The following CTNNA2 variants were observed in gnomAD, a reference collection of about 807,000 sequenced individuals.
CTNNA2 encodes catenin alpha 2.
CTNNA2 carries 42 observed loss-of-function variants against 101.0 expected under a neutral mutation model. That is an observed-to-expected ratio of 0.42 (90% confidence interval 0.32 to 0.54). The LOEUF (loss-of-function observed/expected upper bound fraction) is 0.54, where lower values mean the gene tolerates loss of function less well. Among genes scored for constraint, CTNNA2 ranks in the 20% least tolerant of loss-of-function variants. The pLI is 0.14. For missense variants in CTNNA2, 871 were observed against 1,223.1 expected (o/e 0.71, Z 4.29); for synonymous variants, 450 against 456.4 (o/e 0.99, Z 0.18).
Position 79,374,541 on chromosome 2 carries a change from G to T in CTNNA2, c.-135+528G>T, listed in dbSNP as rs113953803. Among the ~76,000 whole-genome samples the T allele has an allele frequency of 8.0e-3, 1,218 of 151,564 alleles. 25 individuals are homozygous for T. The highest frequency in any genetic ancestry group is 0.026 in the African/African-American group (1,085 of 41,260). ...ATATATTTTTCTATTGTGCTTCTTC[G>T]GTTTTACATTTAGTCAACATTCTCT... On this transcript the variant is annotated intron_variant, in intron 4 of 21. Transcript: ENST00000466387.
chr2:79,284,881 A>T (rs984624114), intron 2 of CTNNA2, among the ~76,000 whole-genome samples: 5 of 136,372 alleles, frequency 3.7e-5, no homozygotes, highest in Non-Finnish European at 6.3e-5. Flanking sequence ...CTGTGAATCC[A>T]TCTGGTCCTG....
rs570642419 is a variant in CTNNA2, at chr2:80,098,320, G to A, written c.1056+188523G>A. 5.3e-5 allele frequency among the ~76,000 whole-genome samples: 8 copies of A among 152,266 alleles called. No homozygotes were observed. In the East Asian group the frequency reaches 9.7e-4, roughly 18 times the overall value. ...TCAGCAGCGGTGGCTGCAGAACAGC[G>A]GATATTGGTGAACCGCAAATGCTGC... On this transcript the variant is annotated intron_variant, in intron 7 of 18. Transcript: ENST00000402739.
chr2:79,340,744 G>T (rs1334760093), intron 3 of CTNNA2, among the ~76,000 whole-genome samples: 1 of 144,152 alleles, frequency 6.9e-6, no homozygotes, highest in Non-Finnish European at 1.5e-5. Flanking sequence ...TGAGGCAGGA[G>T]AATGGCCTGA....
Position 79,989,645 on chromosome 2 carries a change from A to AAAC in CTNNA2, c.1056+79865_1056+79867dup, listed in dbSNP as rs558485089. 1.8e-3 allele frequency among the ~76,000 whole-genome samples: 280 copies of AAAC among 152,184 alleles called. 2 individuals carry two copies. In the East Asian group the frequency reaches 0.04, roughly 22 times the overall value. On this transcript the variant is annotated intron_variant, in intron 7 of 18. Coordinates refer to ENST00000402739, the MANE Select transcript of CTNNA2 (RefSeq NM_001282597.3). The stretch of plus-strand genomic sequence containing the variant: ...AACAGAGTGAGACCCTGCCTCAAAT[A>AAAC]AACAACAACAACAACAACAGAATTG...
intron 3 of CTNNA2, among the ~76,000 whole-genome samples, chr2:79,826,726 A>G (rs1331661068): frequency 6.6e-6 from 1 of 152,196 alleles, no homozygotes; most frequent in Non-Finnish European, 1.5e-5. Context: ...CTTCATTTCA[A>G]CAAGGGCTCT....
rs552025989 is a variant in CTNNA2, at chr2:80,626,890, G to T, written c.2574+7662G>T. ...GCCCCCTACCCCCTGACAGGCCCCA[G>T]TGTGTGATGTTCCCTTCCCTGTGTC... On this transcript the variant is annotated intron_variant, in intron 18 of 18. Coordinates refer to ENST00000402739, the MANE Select transcript of CTNNA2 (RefSeq NM_001282597.3). Among the ~76,000 whole-genome samples the T allele has an allele frequency of 2.2e-4, 33 of 151,756 alleles. 1 individual carries two copies. In the South Asian group the frequency reaches 3.1e-3, roughly 14 times the overall value.
At chr2:79,815,647 G>A (rs1465565788) in intron 3 of CTNNA2, among the ~76,000 whole-genome samples, 1 of 152,152 alleles carries the variant, frequency 6.6e-6, no homozygotes, top group Non-Finnish European at 1.5e-5. Flanking sequence ...GTATCACACT[G>A]TTTTGGTGAC....
At position 80,561,616 on chromosome 2, in the gene CTNNA2, A is replaced by G. The variant is rs147471464; in HGVS notation, c.1741+5723A>G. 2.5e-4 allele frequency among the ~76,000 whole-genome samples: 38 copies of G among 152,104 alleles called. No individual in the cohort carries two copies. In the East Asian group the frequency reaches 5.1e-3, roughly 20 times the overall value. Reference sequence around the variant, plus strand: ...GGAACCACACCATTATGAATCTAGGAGCTTATTTAGAAATTGGTGCTCCTC... The same window carrying G: ...GGAACCACACCATTATGAATCTAGGGGCTTATTTAGAAATTGGTGCTCCTC... On this transcript the variant is annotated intron_variant, in intron 12 of 18. Transcript: ENST00000402739.
intron 16 of CTNNA2, chr2:80,605,654 A>G (rs552727754): frequency 6.6e-6 from 1 of 152,060 alleles, no homozygotes; most frequent in South Asian, 2.1e-4. Context: ...TACCAAATTC[A>G]CACACCTTTA....
intron 9 of CTNNA2, among the ~76,000 whole-genome samples, chr2:80,534,668 A>G (rs1398350499): frequency 1.3e-5 from 2 of 152,152 alleles, no homozygotes; most frequent in Non-Finnish European, 2.9e-5. Context: ...TTCGGATGAT[A>G]TGTTGGTGGA....
chr2:79,291,453 A>G (rs1289987811), intron 2 of CTNNA2, among the ~76,000 whole-genome samples: 2 of 152,212 alleles, frequency 1.3e-5, no homozygotes, highest in Non-Finnish European at 2.9e-5. Flanking sequence ...CTGCTGAGGT[A>G]TAACAGATAA....
At chr2:80,231,780 T>A (rs995635104) in intron 7 of CTNNA2, among the ~76,000 whole-genome samples, 1 of 152,206 alleles carries the variant, frequency 6.6e-6, no homozygotes, top group African/African-American at 2.4e-5. Context: ...TATATTTCTT[T>A]GACATATTTT....
intron 4 of CTNNA2, among the ~76,000 whole-genome samples, chr2:79,477,416 C>T (rs566937869): frequency 1.3e-5 from 2 of 152,224 alleles, no homozygotes; most frequent in East Asian, 3.9e-4. Flanking sequence ...GGTAATCAAC[C>T]TGCCTTGGCC....
chr2:80,326,831 A>T (rs1355065901), intron 7 of CTNNA2, among the ~76,000 whole-genome samples: 1 of 152,162 alleles, frequency 6.6e-6, no homozygotes, highest in African/African-American at 2.4e-5. Flanking sequence ...GAGCAGTGTC[A>T]GATTTCTCAT....
intron 7 of CTNNA2, among the ~76,000 whole-genome samples, chr2:80,365,922 CG>C (rs1258151335): frequency 6.6e-6 from 1 of 152,116 alleles, no homozygotes. Flanking sequence ...GCTTGCCCCT[CG>C]GGGCCTGCTG....
intron 3 of CTNNA2, among the ~76,000 whole-genome samples, chr2:79,772,574 A>G (rs1673665791): frequency 6.6e-6 from 1 of 152,146 alleles, no homozygotes; most frequent in African/African-American, 2.4e-5. Context: ...TCATGAGAAC[A>G]TGGAATATTT....
At chr2:80,122,029 G>T (rs535908003) in intron 7 of CTNNA2, among the ~76,000 whole-genome samples, 1 of 152,152 alleles carries the variant, frequency 6.6e-6, no homozygotes, top group African/African-American at 2.4e-5. Context: ...GGTCACAAAT[G>T]CAGAATCTTG....
chr2:80,195,457 A>G (rs1159892251), intron 7 of CTNNA2, among the ~76,000 whole-genome samples: 2 of 152,160 alleles, frequency 1.3e-5, no homozygotes, highest in African/African-American at 4.8e-5. Flanking sequence ...TGTGAGCAAG[A>G]ATAGAACTGT....
intron 3 of CTNNA2, among the ~76,000 whole-genome samples, chr2:79,320,252 ACGTTT>A (rs1329240336): frequency 7.0e-6 from 1 of 143,472 alleles, no homozygotes; most frequent in African/African-American, 2.6e-5. Context: ...ACCTACCTTT[ACGTTT>A]CAATTTTTTT....
Sources: gnomAD v4.1 joint callset for allele counts (sites outside exome capture counted in the v4.1 genomes callset) on GRCh38, gnomAD v4.1.1 for gene constraint, MANE v1.5 for transcripts, NCBI Gene and HGNC (gene_info 2026-07-23, HGNC 2026-07-21) for gene names.